Variants in ZNF282 observed in about 807,000 individuals in gnomAD.
ZNF282 encodes the protein zinc finger protein 282, also known as HTLV-I U5 repressive element-binding protein 1.
Under a neutral mutation model 61.9 loss-of-function variants are expected in ZNF282, and 30 were observed. The observed-to-expected ratio is 0.48, with a 90% CI of 0.36 to 0.66. The LOEUF is 0.66. ZNF282 is among the 30% of genes least tolerant of loss of function. The probability of loss-of-function intolerance (pLI) is 0.00; values close to 1 mark genes in which losing one functional copy is unlikely to be tolerated. For missense variants in ZNF282, 788 were observed against 941.4 expected (o/e 0.84, Z 2.13); for synonymous variants, 396 against 405.0 (o/e 0.98, Z 0.27).
At chr7:149,207,144 G>A (rs1363203088) in intron 3 of ZNF282, among the ~76,000 whole-genome samples, 2 of 152,118 alleles carry the variant, frequency 1.3e-5, no homozygotes, top group African/African-American at 4.8e-5. Flanking sequence ...TCTGATGTTG[G>A]CTTTCAGAGA....
intron 2 of ZNF282, among the ~76,000 whole-genome samples, chr7:149,200,740 C>T (rs1054171003): frequency 1.3e-5 from 2 of 152,116 alleles, no homozygotes; most frequent in African/African-American, 4.8e-5. Flanking sequence ...GGATTACAGG[C>T]ATCTGCCACC....
intron 7 of ZNF282, among the ~76,000 whole-genome samples, chr7:149,223,098 C>T (rs1474037834): frequency 6.6e-6 from 1 of 152,142 alleles, no homozygotes; most frequent in Non-Finnish European, 1.5e-5. Flanking sequence ...CCTCAGCCTC[C>T]TGAGTAGCTG....
At chr7:149,222,341 C>T (rs1386982621) in intron 7 of ZNF282, among the ~76,000 whole-genome samples, 2 of 152,230 alleles carry the variant, frequency 1.3e-5, no homozygotes, top group African/African-American at 4.8e-5. Flanking sequence ...CTGCCCAAGT[C>T]AGATGCCCCA....
At position 149,224,210 on chromosome 7, in the gene ZNF282, T is replaced by C; in HGVS notation, c.1579T>C (p.Phe527Leu). 6.2e-7 allele frequency: 1 copy of C among 1,608,728 alleles called. No individual in the cohort carries two copies. Among genetic ancestry groups the C allele is most frequent in the Non-Finnish European group, 8.5e-7 (1 of 1,179,768 alleles). The stretch of plus-strand genomic sequence containing the variant: ...CTCGTGCCCCGAGTGCGGCAAGAGC[T>C]TCGGCGTGCGCAAGAGCCTCATCAT... The part of the protein sequence containing the change: ...PYSCPECGKS[F>L]GVRKSLIIHH... The change falls in exon 8 of 8, where the codon TTC (phenylalanine) becomes CTC (leucine). Residue 527 changes from phenylalanine to leucine, a missense_variant. This residue lies in a region of ZNF282 where 559 missense variants were observed against 642.0 expected (regional missense o/e 0.87). Transcript: ENST00000610704.
At chr7:149,207,674 A>G (rs1290636971) in intron 4 of ZNF282, among the ~76,000 whole-genome samples, 3 of 152,120 alleles carry the variant, frequency 2.0e-5, no homozygotes, top group Non-Finnish European at 2.9e-5. Flanking sequence ...AGCACCCTGG[A>G]TATTTGTGGT....
At chr7:149,219,218 C>A (rs1796201393) in intron 7 of ZNF282, among the ~76,000 whole-genome samples, 1 of 152,226 alleles carries the variant, frequency 6.6e-6, no homozygotes, top group Admixed American at 6.5e-5. Flanking sequence ...TCTCTAAGAT[C>A]CCACCATGAA....
chr7:149,203,904 G>A (rs926027395), intron 2 of ZNF282, among the ~76,000 whole-genome samples: 2 of 152,298 alleles, frequency 1.3e-5, no homozygotes, highest in East Asian at 3.9e-4. Context: ...ACCTATTGCT[G>A]TATAACAGAT....
chr7:149,213,944 A>C lies in ZNF282; in HGVS notation c.1180+130A>C, dbSNP rs540070354. The C allele has an allele frequency of 6.3e-6, 4 of 629,980 alleles. No homozygotes were observed. In the African/African-American group the frequency reaches 7.4e-5, roughly 12 times the overall value. The allele number at this position is 629,980 out of a possible 1,614,324, so 39.0% of individuals were successfully genotyped here. On this transcript the variant is annotated intron_variant, in intron 7 of 7. Transcript: ENST00000610704. ...ATGTTCTGTTGATGGCAGCGTTTCA[A>C]AGTTCTGCACCAAAGCACTCCCATT...
chr7:149,213,911 G>A (rs144443267), intron 7 of ZNF282, 97 bp downstream of exon 7: 1,024 of 770,038 alleles, frequency 1.3e-3, no homozygotes, highest in African/African-American at 8.1e-3. Flanking sequence ...CTCACCCCTC[G>A]TAGGGTGATG....
intron 7 of ZNF282, among the ~76,000 whole-genome samples, chr7:149,214,655 C>T (rs929745872): frequency 3.3e-5 from 5 of 151,996 alleles, no homozygotes; most frequent in East Asian, 3.9e-4. Context: ...CATAGTGAGA[C>T]CCACAGGGTC....
chr7:149,202,956 G>T (rs1795937369), intron 2 of ZNF282, among the ~76,000 whole-genome samples: 1 of 152,124 alleles, frequency 6.6e-6, no homozygotes. Context: ...TGGGTCTTGT[G>T]TGTCTCTGTG....
At position 149,195,570 on chromosome 7, in the gene ZNF282, C is replaced by A. The variant is rs1016843197; in HGVS notation, c.-20C>A. 1 of 1,606,698 alleles carries A rather than the reference C, an allele frequency of 6.2e-7. No homozygotes were observed. Among genetic ancestry groups the A allele is most frequent in the Non-Finnish European group, 8.5e-7 (1 of 1,177,140 alleles). ...TCTTCTTCTCCCTGGCCGACCCGAG[C>A]GGGGAACAGCACTCCCAGGATGCAG... On this transcript the variant is annotated 5_prime_UTR_variant, in exon 1 of 8. Coordinates refer to ENST00000610704, the MANE Select transcript of ZNF282 (RefSeq NM_003575.4).
rs1247897023 is a variant in ZNF282, at chr7:149,224,261, C to T, written c.1630C>T (p.Arg544Trp). 1.9e-6 allele frequency: 3 copies of T among 1,612,516 alleles called. No individual in the cohort carries two copies. Among genetic ancestry groups the T allele is most frequent in the Non-Finnish European group, 2.5e-6 (3 of 1,179,854 alleles). The stretch of plus-strand genomic sequence containing the variant: ...CCACCACCGCAGCCACACCAAGGAG[C>T]GGCCCTACGAGTGCGCTGAGTGCGA... ...IIHHRSHTKE[R>W]PYECAECEKS... Residue 544 changes from arginine (R) to tryptophan (W), a missense_variant, in exon 8 of 8, where the codon CGG becomes TGG. Physicochemically the swap from Arg to Trp is moderately radical, Grantham distance 101. Transcript: ENST00000610704.
chr7:149,196,983 C>T (rs960674101), intron 1 of ZNF282, among the ~76,000 whole-genome samples: 29 of 152,158 alleles, frequency 1.9e-4, no homozygotes, highest in Non-Finnish European at 3.7e-4. Flanking sequence ...CTGCAGCCAT[C>T]GGGAGGACAG....
Position 149,224,523 on chromosome 7 carries a change from C to G in ZNF282, c.1892C>G (p.Thr631Arg), listed in dbSNP as rs763731876. ...ATCCACACGGGCGAGCGCCCCTACACGTGCGGCGAGTGCGGCAAGAGCTTC... is the reference window on the plus strand; with the variant it reads ...ATCCACACGGGCGAGCGCCCCTACAGGTGCGGCGAGTGCGGCAAGAGCTTC... Reference protein sequence around the residue: ...QRIHTGERPYTCGECGKSFRY... With the variant: ...QRIHTGERPYRCGECGKSFRY... Residue 631 changes from threonine to arginine, a missense_variant, in exon 8 of 8, where the codon ACG becomes AGG. This residue lies in a region of ZNF282 where 559 missense variants were observed against 642.0 expected (regional missense o/e 0.87). Coordinates refer to ENST00000610704, the MANE Select transcript of ZNF282 (RefSeq NM_003575.4). 1.9e-6 allele frequency: 3 copies of G among 1,612,194 alleles called. No individual in the cohort carries two copies. The highest frequency in any genetic ancestry group is 3.3e-5 in the Admixed American group (2 of 59,982).
intron 4 of ZNF282, 129 bp downstream of exon 4, chr7:149,207,599 G>A: frequency 7.2e-7 from 1 of 1,391,648 alleles, no homozygotes; most frequent in Non-Finnish European, 9.6e-7. Context: ...TGGCTCCCAG[G>A]GGCCAGTTCT....
At chr7:149,219,300 G>T (rs953293814) in intron 7 of ZNF282, among the ~76,000 whole-genome samples, 1 of 152,178 alleles carries the variant, frequency 6.6e-6, no homozygotes, top group African/African-American at 2.4e-5. Flanking sequence ...AGGGACAAAG[G>T]CCAGTCAAGT....
chr7:149,213,620 A>G, intron 6 of ZNF282, 81 bp from the exon 7 acceptor site: 2 of 1,012,806 alleles, frequency 2.0e-6, no homozygotes, highest in Non-Finnish European at 1.5e-6. Context: ...CAGCCACCGC[A>G]TGGGATGGTT....
At position 149,198,664 on chromosome 7, in the gene ZNF282, G is replaced by A. The variant is rs1795861090; in HGVS notation, c.497G>A (p.Arg166Lys). Residue 166 changes from arginine (R) to lysine (K), a missense_variant, in exon 2 of 8, where the codon AGG (arginine) becomes AAG (lysine). Transcript: ENST00000610704. This position sits in a 1 kb window ranked among gnomAD's most constrained non-coding sequence, Gnocchi z 4.3. Reference sequence around the variant, plus strand: ...CTGCAGGAGTACGGGCTGCTGCAGAGGCGGCTGGAGAACTTGGAGAACTTG... The same window carrying A: ...CTGCAGGAGTACGGGCTGCTGCAGAAGCGGCTGGAGAACTTGGAGAACTTG... ...TLLQEYGLLQ[R>K]RLENLENLLR... 1 of 1,613,956 alleles carries A rather than the reference G, an allele frequency of 6.2e-7. No homozygotes were observed. Among genetic ancestry groups the A allele is most frequent in the Admixed American group, 1.7e-5 (1 of 60,012 alleles).
Sources: gnomAD v4.1 joint callset for allele counts (sites outside exome capture counted in the v4.1 genomes callset) on GRCh38, gnomAD v4.1.1 for gene constraint, gnomAD v4.1.1 regional missense constraint, Gnocchi (gnomAD v3.1) non-coding constraint, MANE v1.5 for transcripts, NCBI Gene and HGNC (gene_info 2026-07-23, HGNC 2026-07-21) for gene names.